Variants in CNTN5 observed in about 807,000 individuals in gnomAD.
CNTN5 encodes contactin 5.
A neutral mutation model predicts 129.1 loss-of-function variants in CNTN5; 77 were observed. The ratio of observed to expected loss-of-function variants is 0.60; its 90% CI spans 0.50 to 0.72. The LOEUF is 0.72. Among genes scored for constraint, CNTN5 ranks in the 30% least tolerant of loss-of-function variants. The probability of loss-of-function intolerance (pLI) is 0.00; values close to 1 mark genes in which losing one functional copy is unlikely to be tolerated. For synonymous variants in CNTN5, 509 were observed against 465.6 expected (o/e 1.09, Z -1.20); for missense variants, 1,478 against 1,328.8 (o/e 1.11, Z -1.75).
At chr11:99,951,921 T>C (rs2136150906) in intron 7 of CNTN5, among the ~76,000 whole-genome samples, 1 of 152,326 alleles carries the variant, frequency 6.6e-6, no homozygotes, top group Non-Finnish European at 1.5e-5. Context: ...TATAGATACA[T>C]TTCTATCTCA....
At chr11:100,204,489 GAA>G (rs1948874359) in intron 15 of CNTN5, among the ~76,000 whole-genome samples, 1 of 149,388 alleles carries the variant, frequency 6.7e-6, no homozygotes, top group African/African-American at 2.5e-5. Context: ...AAGAAAGAGA[GAA>G]GAGAGACAGG....
intron 1 of CNTN5, among the ~76,000 whole-genome samples, chr11:99,116,983 A>T (rs189969547): frequency 6.6e-6 from 1 of 152,324 alleles, no homozygotes; most frequent in East Asian, 1.9e-4. Context: ...GAAATGTGAT[A>T]TACTATATGG....
rs556044403 is a variant in CNTN5, at chr11:99,182,307, A to AGCT, written c.-209-143038_-209-143036dup. ...TGCTGCTTTCATTATTTTATCACAA[A>AGCT]GCTACTCGACAATAAAGAGGAATGA... On this transcript the variant is annotated intron_variant, in intron 1 of 24. Coordinates refer to ENST00000524871, the MANE Select transcript of CNTN5 (RefSeq NM_014361.4). 2.0e-4 allele frequency among the ~76,000 whole-genome samples: 30 copies of AGCT among 152,322 alleles called. No homozygotes were observed. In the East Asian group the frequency reaches 5.8e-3, roughly 29 times the overall value.
intron 2 of CNTN5, among the ~76,000 whole-genome samples, chr11:99,494,667 T>G (rs1398070204): frequency 1.3e-5 from 2 of 152,176 alleles, no homozygotes; most frequent in Non-Finnish European, 2.9e-5. Context: ...TTACCACAGA[T>G]GACTATGGTG....
intron 1 of CNTN5, among the ~76,000 whole-genome samples, chr11:99,136,085 C>G (rs549047323): frequency 6.6e-6 from 1 of 152,230 alleles, no homozygotes; most frequent in South Asian, 2.1e-4. Context: ...TTGCCTTCTT[C>G]TTGTCATTTC....
At chr11:100,052,888 A>G (rs2137752398) in intron 9 of CNTN5, among the ~76,000 whole-genome samples, 1 of 151,920 alleles carries the variant, frequency 6.6e-6, no homozygotes, top group Middle Eastern at 3.4e-3. Flanking sequence ...ATGCAACAGA[A>G]GAAAGCTCAG....
chr11:99,586,942 A>G (rs970662399), intron 3 of CNTN5, among the ~76,000 whole-genome samples: 1 of 152,232 alleles, frequency 6.6e-6, no homozygotes, highest in African/African-American at 2.4e-5. Context: ...TAGGCAGAGA[A>G]TCATCAACAA....
At chr11:99,220,298 G>A (rs1860334478) in intron 1 of CNTN5, among the ~76,000 whole-genome samples, 1 of 151,904 alleles carries the variant, frequency 6.6e-6, no homozygotes, top group Non-Finnish European at 1.5e-5. Flanking sequence ...CCTGTGCTTT[G>A]CCATTGTAAT....
At chr11:100,119,983 G>A (rs1762570759) in intron 13 of CNTN5, among the ~76,000 whole-genome samples, 1 of 151,832 alleles carries the variant, frequency 6.6e-6, no homozygotes, top group African/African-American at 2.4e-5. Flanking sequence ...ATTTACAACT[G>A]GGTCATAATC....
chr11:99,893,942 T>G (rs561437051), intron 6 of CNTN5, among the ~76,000 whole-genome samples: 2 of 152,258 alleles, frequency 1.3e-5, no homozygotes, highest in Admixed American at 6.5e-5. Context: ...GAGTGAGAGA[T>G]AGCATTTCTC....
intron 2 of CNTN5, among the ~76,000 whole-genome samples, chr11:99,464,813 A>T (rs552031618): frequency 6.6e-6 from 1 of 152,218 alleles, no homozygotes; most frequent in Non-Finnish European, 1.5e-5. Context: ...ATATATTTAC[A>T]TAAAAATAGT....
intron 1 of CNTN5, among the ~76,000 whole-genome samples, chr11:99,054,226 A>G (rs1156548009): frequency 1.3e-5 from 2 of 151,878 alleles, no homozygotes; most frequent in Non-Finnish European, 2.9e-5. Context: ...GCTGTTCATG[A>G]CAAACCTGGT....
intron 1 of CNTN5, among the ~76,000 whole-genome samples, chr11:99,303,275 T>G (rs914405073): frequency 6.6e-6 from 1 of 151,892 alleles, no homozygotes; most frequent in African/African-American, 2.4e-5. Flanking sequence ...TTGAAATATC[T>G]GGTATGCTCA....
chr11:99,780,661 T>C (rs1945280926), intron 3 of CNTN5, among the ~76,000 whole-genome samples: 1 of 152,082 alleles, frequency 6.6e-6, no homozygotes, highest in Non-Finnish European at 1.5e-5. Flanking sequence ...TGCATTTCCA[T>C]TTCACAGTAT....
intron 7 of CNTN5, among the ~76,000 whole-genome samples, chr11:99,948,613 A>T (rs1042949138): frequency 6.6e-6 from 1 of 152,182 alleles, no homozygotes; most frequent in Non-Finnish European, 1.5e-5. Flanking sequence ...TCTCTTTTCA[A>T]ATAAAGATCG....
intron 1 of CNTN5, among the ~76,000 whole-genome samples, chr11:99,115,631 G>T (rs1313060425): frequency 2.6e-5 from 4 of 151,978 alleles, no homozygotes; most frequent in African/African-American, 7.2e-5. Context: ...GTGGTGGCAG[G>T]TGCCTGTAAT....
At chr11:99,086,998 A>G (rs1251011483) in intron 1 of CNTN5, among the ~76,000 whole-genome samples, 1 of 152,178 alleles carries the variant, frequency 6.6e-6, no homozygotes, top group Non-Finnish European at 1.5e-5. Context: ...AAGTTCAGTA[A>G]ACTGACCATT....
At chr11:99,656,808 C>G (rs1952385097) in intron 3 of CNTN5, among the ~76,000 whole-genome samples, 1 of 152,086 alleles carries the variant, frequency 6.6e-6, no homozygotes, top group South Asian at 2.1e-4. Context: ...CTTTCATTAT[C>G]AGGCAGCTTA....
chr11:100,030,345 AGCC>A (rs1324616677), intron 9 of CNTN5, among the ~76,000 whole-genome samples: 2 of 152,204 alleles, frequency 1.3e-5, no homozygotes, highest in African/African-American at 4.8e-5. Context: ...CAGTCACTGC[AGCC>A]TGGGCAGCAG....
Sources: gnomAD v4.1 joint callset for allele counts (sites outside exome capture counted in the v4.1 genomes callset) on GRCh38, gnomAD v4.1.1 for gene constraint, MANE v1.5 for transcripts, NCBI Gene and HGNC (gene_info 2026-07-23, HGNC 2026-07-21) for gene names.